Variants in THSD4 observed in about 807,000 individuals in gnomAD.
THSD4 encodes thrombospondin type-1 domain-containing protein 4.
Under a neutral mutation model 119.0 loss-of-function variants are expected in THSD4, and 69 were observed. The observed-to-expected ratio is 0.58, with a 90% CI of 0.48 to 0.71. The LOEUF (loss-of-function observed/expected upper bound fraction) is 0.71. Among genes scored for constraint, THSD4 ranks in the 30% least tolerant of loss-of-function variants. The pLI is 0.00. For synonymous variants in THSD4, 524 were observed against 540.4 expected (o/e 0.97, Z 0.42); for missense variants, 1,393 against 1,391.1 (o/e 1.00, Z -0.02).
chr15:71,406,990 T>G (rs1047983977), intron 6 of THSD4, among the ~76,000 whole-genome samples: 2 of 152,098 alleles, frequency 1.3e-5, no homozygotes, highest in African/African-American at 4.8e-5. Flanking sequence ...AGCCTGTCAG[T>G]TTTTACTTTA....
At chr15:71,481,597 G>A (rs1207579966) in intron 7 of THSD4, among the ~76,000 whole-genome samples, 1 of 152,004 alleles carries the variant, frequency 6.6e-6, no homozygotes, top group Non-Finnish European at 1.5e-5. Context: ...CTTCCTTTTA[G>A]CCAGTCCTTC....
At position 71,129,219 on chromosome 15, in the gene THSD4, G is replaced by A. The variant is rs2040481482; in HGVS notation, c.-79-12230G>A. ...CATCAGCAGCAGGAGGAAACTCGAA[G>A]TACAGGGAAGCTGCCTGAATGAGCG... On this transcript the variant is annotated intron_variant, in intron 1 of 17. Transcript: ENST00000261862. 1.3e-5 allele frequency among the ~76,000 whole-genome samples: 2 copies of A among 152,208 alleles called. 1 individual carries two copies. The highest frequency in any genetic ancestry group is 1.3e-4 in the Admixed American group (2 of 15,282).
intron 6 of THSD4, among the ~76,000 whole-genome samples, chr15:71,299,972 A>ATAT (rs1409701282): frequency 3.7e-3 from 102 of 27,264 alleles, no homozygotes; most frequent in East Asian, 0.022. Context: ...AAAAAAAAAA[A>ATAT]AAAAATATAT....
intron 3 of THSD4, among the ~76,000 whole-genome samples, chr15:71,166,266 G>A (rs1016961701): frequency 6.6e-6 from 1 of 152,100 alleles, no homozygotes; most frequent in Admixed American, 6.5e-5. Flanking sequence ...TGAATGTACT[G>A]GAATGACGGT....
At chr15:71,114,067 C>T (rs2040329704), upstream of THSD4, among the ~76,000 whole-genome samples, 1 of 152,174 alleles carries the variant, frequency 6.6e-6, no homozygotes, top group Admixed American at 6.5e-5. Flanking sequence ...CCATCAAAAT[C>T]TGTTTGATCA....
At chr15:71,283,871 T>C (rs940201883) in intron 6 of THSD4, among the ~76,000 whole-genome samples, 1 of 152,160 alleles carries the variant, frequency 6.6e-6, no homozygotes, top group Non-Finnish European at 1.5e-5. Flanking sequence ...TGTTGAGAGC[T>C]CAATGCCCAG....
upstream of THSD4, chr15:71,113,524 G>A (rs2141346323): frequency 6.6e-6 from 1 of 152,318 alleles, no homozygotes; most frequent in Non-Finnish European, 1.5e-5. Flanking sequence ...CAGACATTAT[G>A]TGATGAACTC....
At chr15:71,750,951 A>G (rs1157292075) in intron 14 of THSD4, among the ~76,000 whole-genome samples, 1 of 152,208 alleles carries the variant, frequency 6.6e-6, no homozygotes, top group East Asian at 1.9e-4. Flanking sequence ...TGCCCCTGAC[A>G]TAGGTCACAG....
chr15:71,200,733 T>C (rs2043796822), intron 3 of THSD4, among the ~76,000 whole-genome samples: 1 of 152,210 alleles, frequency 6.6e-6, no homozygotes, highest in Admixed American at 6.5e-5. Flanking sequence ...GCCATGACCA[T>C]CATAATCCAT....
intron 6 of THSD4, among the ~76,000 whole-genome samples, chr15:71,328,461 G>A (rs184687912): frequency 2.0e-5 from 3 of 152,174 alleles, no homozygotes; most frequent in East Asian, 1.9e-4. Context: ...TTGTTCATTC[G>A]TTCATTAATT....
chr15:71,287,530 G>A (rs1018405399), intron 6 of THSD4, among the ~76,000 whole-genome samples: 6 of 152,048 alleles, frequency 3.9e-5, no homozygotes, highest in African/African-American at 1.2e-4. Context: ...GACACTACCC[G>A]CAAAAATAAT....
At chr15:71,581,832 G>C (rs1345251492) in intron 7 of THSD4, among the ~76,000 whole-genome samples, 2 of 152,118 alleles carry the variant, frequency 1.3e-5, no homozygotes, top group Non-Finnish European at 2.9e-5. Flanking sequence ...CTGTAAACGT[G>C]TGGGTTTATT....
intron 8 of THSD4, among the ~76,000 whole-genome samples, chr15:71,725,441 A>C (rs17737569): frequency 6.6e-6 from 1 of 152,152 alleles, no homozygotes. Flanking sequence ...TGAAAGGAAT[A>C]TAGTGCCCAA....
chr15:71,702,637 A>G lies in THSD4; in HGVS notation c.1358-25912A>G, dbSNP rs570340029. ...ATGATTATGTCTCTTCATGAGGACA[A>G]AAGTCATCAACTGGGCTTTCTGTCA... On this transcript the variant is annotated intron_variant, in intron 8 of 17. Coordinates refer to ENST00000261862, the MANE Select transcript of THSD4 (RefSeq NM_024817.3). Among the ~76,000 whole-genome samples, 75 of 152,284 alleles carry G rather than the reference A, an allele frequency of 4.9e-4. No homozygotes were observed. In the South Asian group the frequency reaches 0.015, roughly 30 times the overall value.
At chr15:71,591,870 C>A (rs1459047827) in intron 7 of THSD4, among the ~76,000 whole-genome samples, 1 of 152,054 alleles carries the variant, frequency 6.6e-6, no homozygotes, top group Non-Finnish European at 1.5e-5. Context: ...GAAGTGGTTT[C>A]ATTACAGAAA....
chr15:71,755,598 A>G (rs897041219), intron 14 of THSD4, among the ~76,000 whole-genome samples: 3 of 150,370 alleles, frequency 2.0e-5, no homozygotes, highest in Admixed American at 1.3e-4. Flanking sequence ...GCCCAAGTCT[A>G]TATGCAACTG....
chr15:71,543,964 G>T (rs1479784905), intron 7 of THSD4, among the ~76,000 whole-genome samples: 1 of 152,158 alleles, frequency 6.6e-6, no homozygotes, highest in Non-Finnish European at 1.5e-5. Context: ...GGAGGCAGAG[G>T]TTGCAATGAG....
intron 6 of THSD4, among the ~76,000 whole-genome samples, chr15:71,266,994 AC>A (rs2044472262): frequency 6.6e-6 from 1 of 152,184 alleles, no homozygotes. Context: ...TGATTGGTGT[AC>A]CTGAAAGTGA....
intron 7 of THSD4, among the ~76,000 whole-genome samples, chr15:71,473,702 C>T (rs2047616418): frequency 6.6e-6 from 1 of 152,154 alleles, no homozygotes; most frequent in Non-Finnish European, 1.5e-5. Flanking sequence ...GACCCTGACC[C>T]CTGTTTTGGG....
Sources: gnomAD v4.1 joint callset for allele counts (sites outside exome capture counted in the v4.1 genomes callset) on GRCh38, gnomAD v4.1.1 for gene constraint, MANE v1.5 for transcripts, NCBI Gene and HGNC (gene_info 2026-07-23, HGNC 2026-07-21) for gene names.